TRPM7: variants seen among roughly 807,000 people sequenced by gnomAD.
TRPM7 encodes transient receptor potential cation channel subfamily M member 7.
TRPM7 carries 134 observed loss-of-function variants against 229.7 expected under a neutral mutation model. The ratio of observed to expected loss-of-function variants is 0.58; its 90% confidence interval spans 0.51 to 0.67. The LOEUF is 0.67. TRPM7 is among the 30% of genes least tolerant of loss of function. TRPM7 has a pLI of 0.00. For missense variants in TRPM7, 1,901 were observed against 2,210.0 expected (o/e 0.86, Z 2.80); for synonymous variants, 699 against 715.2 (o/e 0.98, Z 0.36).
At chr15:50,595,509 ATTTG>A (rs1424313680) in intron 23 of TRPM7, among the ~76,000 whole-genome samples, 2 of 151,858 alleles carry the variant, frequency 1.3e-5, no homozygotes. Context: ...GGAGAAGAAT[ATTTG>A]TTTATCTGAA....
rs1481702367 is a variant in TRPM7, at chr15:50,592,434, T to C, written c.3801A>G (p.Glu1267=). The change falls in exon 26 of 39, where the codon GAA becomes GAG. Residue 1267 remains glutamate, a synonymous_variant. Transcript: ENST00000646667. ...GAGCCAAGTGTTTGGAAATGCTCAGTTCTCGTGTGATTTCATTATGAACTT... is the reference window on the plus strand; with the variant it reads ...GAGCCAAGTGTTTGGAAATGCTCAGCTCTCGTGTGATTTCATTATGAACTT... ...ASKVHNEITR[E]LSISKHLAQN... is the part of the protein sequence containing the mutation. 1 of 1,614,192 alleles carries C rather than the reference T, an allele frequency of 6.2e-7. No individual in the cohort carries two copies. Among genetic ancestry groups the C allele is most frequent in the Non-Finnish European group, 8.5e-7 (1 of 1,180,024 alleles).
At position 50,592,470 on chromosome 15, in the gene TRPM7, C is replaced by T. The variant is rs765622293; in HGVS notation, c.3765G>A (p.Ser1255=). 28 of 1,613,930 alleles carry T rather than the reference C, an allele frequency of 1.7e-5. No homozygotes were observed. Among genetic ancestry groups the T allele is most frequent in the East Asian group, 4.5e-5 (2 of 44,880 alleles). The change falls in exon 26 of 39, where the codon TCG becomes TCA. Residue 1255 remains serine, a synonymous_variant. Transcript: ENST00000646667. ...TLKTLTAQKA[S]EASKVHNEIT... ...TTTCATTATGAACTTTGCTAGCTTC[C>T]GACGCTTTCTGGGCAGTGAGTGTTT...
In TRPM7 at chr15:50,592,513, A is replaced by T. The variant is rs775702220; in HGVS notation, c.3722T>A (p.Leu1241Gln). The T allele has an allele frequency of 3.1e-6, 5 of 1,613,886 alleles. No individual in the cohort carries two copies. The highest frequency in any genetic ancestry group is 1.3e-5 in the African/African-American group (1 of 74,924). The stretch of plus-strand genomic sequence containing the variant: ...GAGTGTTTTTAATGTATCTACCGTC[A>T]GGGCTGAAAGATCTTGCAAATGGCC... ...QIGHLQDLSA[L>Q]TVDTLKTLTA... The change falls in exon 26 of 39, where the codon CTG (leucine) becomes CAG (glutamine). Residue 1241 changes from leucine (L) to glutamine (Q), a missense_variant. This residue lies in a region of TRPM7 where 533 missense variants were observed against 497.1 expected (regional missense o/e 1.07). Coordinates refer to ENST00000646667, the MANE Select transcript of TRPM7 (RefSeq NM_017672.6).
At chr15:50,600,731 T>A (rs553796914) in intron 21 of TRPM7, among the ~76,000 whole-genome samples, 100 of 152,354 alleles carry the variant, frequency 6.6e-4, no homozygotes, top group African/African-American at 2.4e-3. Context: ...CAAGGCCGGA[T>A]AAAGTAATTT....
rs187476594 is a variant in TRPM7 at position 50,558,892 on chromosome 15, T to C, written c.*2786A>G. 1,410 of 145,994 alleles carry C rather than the reference T, an allele frequency of 9.7e-3. 14 individuals carry two copies. Among genetic ancestry groups the C allele is most frequent in the Middle Eastern group, 0.021 (6 of 286 alleles). 9.0% of individuals were successfully genotyped at this position (145,994 alleles called of 1,614,324 possible). ...TGGGCAACAGAGCAAGAGGTTGTCT[T>C]TTTTTTTTTTTTCTTTCTGAGACAG... On this transcript the variant is annotated 3_prime_UTR_variant, in exon 39 of 39. Coordinates refer to ENST00000646667, the MANE Select transcript of TRPM7 (RefSeq NM_017672.6).
chr15:50,596,812 G>A (rs528912822), intron 22 of TRPM7, among the ~76,000 whole-genome samples: 18 of 152,136 alleles, frequency 1.2e-4, no homozygotes, highest in Non-Finnish European at 1.6e-4. Flanking sequence ...GTGCAGTGGC[G>A]CGATCTCGGC....
intron 30 of TRPM7, among the ~76,000 whole-genome samples, chr15:50,580,556 A>G (rs2054349940): frequency 6.6e-6 from 1 of 152,252 alleles, no homozygotes; most frequent in African/African-American, 2.4e-5. Context: ...GTCTCAAACT[A>G]GGTCTCTCAA....
rs574531393 is a variant in TRPM7 at position 50,596,439 on chromosome 15, A to G, written c.3164-58T>C. On this transcript the variant is annotated intron_variant, in intron 22 of 38. Transcript: ENST00000646667. ...AACTTAAAAATAGTAATTCATCAGTAACTGCTATTCATGAGTGTTTCTGGT... is the reference window on the plus strand; with the variant it reads ...AACTTAAAAATAGTAATTCATCAGTGACTGCTATTCATGAGTGTTTCTGGT... 2.3e-6 allele frequency: 3 copies of G among 1,307,886 alleles called. No individual in the cohort carries two copies. The East Asian group carries it at 7.9e-5, about 34-fold the overall frequency. 81.0% of individuals were successfully genotyped at this position (1,307,886 alleles called of 1,614,324 possible).
intron 3 of TRPM7, 53 bp downstream of exon 3, chr15:50,657,728 A>T (rs1392009082): frequency 2.7e-6 from 4 of 1,478,026 alleles, no homozygotes; most frequent in Non-Finnish European, 3.8e-6. Flanking sequence ...TTTCTAATAG[A>T]TTAGTTTTAT....
chr15:50,662,153 A>C (rs2061740662), intron 2 of TRPM7, among the ~76,000 whole-genome samples: 1 of 152,098 alleles, frequency 6.6e-6, no homozygotes, highest in Non-Finnish European at 1.5e-5. Context: ...AGGAGATTGA[A>C]CCATCCTGGC....
At chr15:50,637,637 CA>C (rs1312429285) in intron 6 of TRPM7, 44 bp from the exon 7 acceptor site, 1 of 1,510,996 alleles carries the variant, frequency 6.6e-7, no homozygotes, top group Non-Finnish European at 9.0e-7. Flanking sequence ...GGATTAAATA[CA>C]GTATGATGTA....
At position 50,686,572 on chromosome 15, in the gene TRPM7, ACCT is replaced by A. The variant is rs746897807; in HGVS notation, c.-42_-40del. 2.4e-5 allele frequency: 39 copies of A among 1,601,884 alleles called. No homozygotes were observed. The highest frequency in any genetic ancestry group is 9.2e-5 in the East Asian group (4 of 43,402). On this transcript the variant is annotated 5_prime_UTR_variant, in exon 1 of 39. Coordinates refer to ENST00000646667, the MANE Select transcript of TRPM7 (RefSeq NM_017672.6). Reference sequence around the variant, plus strand: ...CGGACTCCGGAAGGGCAGCAACTCCACCTCCTCCTCCTCCGCGGCCTGTAGCCA... The same window carrying A: ...CGGACTCCGGAAGGGCAGCAACTCCACCTCCTCCTCCGCGGCCTGTAGCCA...
intron 13 of TRPM7, among the ~76,000 whole-genome samples, chr15:50,616,116 A>G (rs2060215427): frequency 6.6e-6 from 1 of 152,182 alleles, no homozygotes; most frequent in Non-Finnish European, 1.5e-5. Context: ...AAATGCCATT[A>G]TATGAACCCA....
chr15:50,585,980 G>C (rs879433680), intron 28 of TRPM7, among the ~76,000 whole-genome samples: 1 of 150,704 alleles, frequency 6.6e-6, no homozygotes, highest in Admixed American at 6.6e-5. Context: ...TGGTAAATGT[G>C]GGAACAGAGT....
rs541505050 is a variant in TRPM7 at position 50,589,846 on chromosome 15, G to T, written c.4325-190C>A. On this transcript the variant is annotated intron_variant, in intron 26 of 38. Transcript: ENST00000646667. Reference sequence around the variant, plus strand: ...TGCCAAGAAGCTGGTGAAGGTTACAGTTTTTTTTGTTTTTTGTTTTTTTAA... The same window carrying T: ...TGCCAAGAAGCTGGTGAAGGTTACATTTTTTTTTGTTTTTTGTTTTTTTAA... 1.7e-3 allele frequency among the ~76,000 whole-genome samples: 157 copies of T among 90,506 alleles called. 4 individuals are homozygous for T. In the South Asian group the frequency reaches 0.043, roughly 25 times the overall value. The allele number at this position is 90,506 out of a possible 152,430, so 59.4% of individuals were successfully genotyped here. A position where few individuals can be genotyped will look rare whatever the true frequency, so the allele number is the denominator to read the frequency against.
rs934644512 is a variant in TRPM7, at chr15:50,560,367, A to G, written c.*1311T>C. The G allele has an allele frequency of 6.6e-6, 1 of 152,592 alleles. No individual in the cohort carries two copies. Among genetic ancestry groups the G allele is most frequent in the African/African-American group, 2.4e-5 (1 of 41,450 alleles). The allele number at this position is 152,592 out of a possible 1,614,324, so 9.5% of individuals were successfully genotyped here. A position where few individuals can be genotyped will look rare whatever the true frequency, so the allele number is the denominator to read the frequency against. ...CAAAACGTATATAGTATCTTTAAGT[A>G]ATACACTTTTTCTTTCTCCCCACCC... On this transcript the variant is annotated 3_prime_UTR_variant, in exon 39 of 39. Transcript: ENST00000646667.
At chr15:50,644,797 C>CAAAAAAA (rs201997665) in intron 4 of TRPM7, among the ~76,000 whole-genome samples, 3 of 64,822 alleles carry the variant, frequency 4.6e-5, no homozygotes, top group Admixed American at 1.5e-4. Context: ...AACTGCGTCT[C>CAAAAAAA]AAAAAAAAAA....
In TRPM7 at chr15:50,643,888, G is replaced by A. The variant is rs896718677; in HGVS notation, c.322-335C>T. On this transcript the variant is annotated intron_variant, in intron 4 of 38. Coordinates refer to ENST00000646667, the MANE Select transcript of TRPM7 (RefSeq NM_017672.6). Reference sequence around the variant, plus strand: ...CCTTCTTTAACTATGACTACACAGTGAGTTAGAAACATTAAGACTGGCTGA... The same window carrying A: ...CCTTCTTTAACTATGACTACACAGTAAGTTAGAAACATTAAGACTGGCTGA... 2.6e-5 allele frequency among the ~76,000 whole-genome samples: 4 copies of A among 152,060 alleles called. No individual in the cohort carries two copies. The South Asian group carries it at 8.3e-4, about 31-fold the overall frequency.
intron 3 of TRPM7, among the ~76,000 whole-genome samples, chr15:50,652,452 C>A (rs1596310065): frequency 7.1e-6 from 1 of 141,662 alleles, no homozygotes; most frequent in Non-Finnish European, 1.5e-5. Flanking sequence ...AAACTGAAGT[C>A]AGAATAATGA....
Sources: gnomAD v4.1 joint callset for allele counts (sites outside exome capture counted in the v4.1 genomes callset) on GRCh38, gnomAD v4.1.1 for gene constraint, gnomAD v4.1.1 regional missense constraint, MANE v1.5 for transcripts, NCBI Gene and HGNC (gene_info 2026-07-23, HGNC 2026-07-21) for gene names.